Variants in HCRTR2 observed in about 807,000 individuals in gnomAD.
HCRTR2 encodes the protein hypocretin receptor 2.
Under a neutral mutation model 49.0 loss-of-function variants are expected in HCRTR2, and 22 were observed. The ratio of observed to expected loss-of-function variants is 0.45; its 90% CI spans 0.32 to 0.64. HCRTR2 has a LOEUF of 0.64. HCRTR2 is among the 30% of genes least tolerant of loss of function. The probability of loss-of-function intolerance (pLI) is 0.04; values close to 1 mark genes in which losing one functional copy is unlikely to be tolerated. For synonymous variants in HCRTR2, 236 were observed against 205.3 expected, an observed-to-expected ratio of 1.15 and a Z score of -1.28; for missense variants, 491 against 559.4, an observed-to-expected ratio of 0.88 and a Z score of 1.23.
At chr6:55,172,302 C>T (rs1764962262), upstream of HCRTR2, among the ~76,000 whole-genome samples, 1 of 152,110 alleles carries the variant, frequency 6.6e-6, no homozygotes, top group South Asian at 2.1e-4. Flanking sequence ...GGATTTTCTA[C>T]TCATCATCAC....
intron 1 of HCRTR2, among the ~76,000 whole-genome samples, chr6:55,112,133 G>A (rs1457791588): frequency 1.3e-5 from 2 of 151,850 alleles, no homozygotes; most frequent in Non-Finnish European, 2.9e-5. Context: ...CAGCATAGAA[G>A]GAACATATCT....
chr6:55,240,872 T>A (rs1766315433), intron 1 of HCRTR2: 2 of 266,930 alleles, frequency 7.5e-6, no homozygotes, highest in Admixed American at 4.9e-5. Flanking sequence ...TTTTTCTTTT[T>A]CATTTAGAAA....
intron 1 of HCRTR2, among the ~76,000 whole-genome samples, chr6:55,176,992 T>C (rs1765051093): frequency 1.3e-5 from 2 of 152,324 alleles, no homozygotes; most frequent in East Asian, 1.9e-4. Flanking sequence ...TTCTTTGTTG[T>C]TATTGCATTT....
upstream of HCRTR2, among the ~76,000 whole-genome samples, chr6:55,172,358 T>G (rs990276796): frequency 1.3e-5 from 2 of 152,152 alleles, no homozygotes; most frequent in Non-Finnish European, 2.9e-5. Context: ...CTTCCTAACG[T>G]TTTCCCTATG....
At chr6:55,278,727 A>AATT (rs201178077) in intron 5 of HCRTR2, among the ~76,000 whole-genome samples, 17,064 of 144,572 alleles carry the variant, frequency 0.12, 1,145 homozygotes, top group South Asian at 0.25. Flanking sequence ...GCTTCTTATT[A>AATT]ATTATTATTA....
chr6:55,227,195 A>G (rs1766025417), intron 1 of HCRTR2, among the ~76,000 whole-genome samples: 1 of 152,140 alleles, frequency 6.6e-6, no homozygotes, highest in African/African-American at 2.4e-5. Context: ...AGCCAAAATT[A>G]TGCATTATGT....
chr6:55,128,278 T>C (rs1764308880), intron 1 of HCRTR2, among the ~76,000 whole-genome samples: 1 of 152,202 alleles, frequency 6.6e-6, no homozygotes, highest in Non-Finnish European at 1.5e-5. Context: ...TCCATTGATC[T>C]ATGTGTCTGT....
intron 1 of HCRTR2, among the ~76,000 whole-genome samples, chr6:55,237,503 G>T (rs893425611): frequency 2.0e-5 from 3 of 152,098 alleles, no homozygotes; most frequent in African/African-American, 7.2e-5. Flanking sequence ...CTTATTTTTG[G>T]TTAGGTACTA....
At chr6:55,247,820 G>A (rs959399674) in intron 1 of HCRTR2, among the ~76,000 whole-genome samples, 15 of 152,070 alleles carry the variant, frequency 9.9e-5, no homozygotes, top group Non-Finnish European at 4.4e-5. Context: ...TGATTGCTGG[G>A]TGATGTTTAG....
At chr6:55,134,365 T>G (rs1164093734) in intron 1 of HCRTR2, among the ~76,000 whole-genome samples, 1 of 151,880 alleles carries the variant, frequency 6.6e-6, no homozygotes, top group Non-Finnish European at 1.5e-5. Flanking sequence ...GGCAAAAAAT[T>G]TATAATATGA....
At chr6:55,132,481 C>T (rs1212167962) in intron 1 of HCRTR2, among the ~76,000 whole-genome samples, 1 of 151,882 alleles carries the variant, frequency 6.6e-6, no homozygotes, top group East Asian at 1.9e-4. Flanking sequence ...GCATGCCAAT[C>T]CTGGAGTACG....
chr6:55,141,715 A>G (rs545861959), intron 1 of HCRTR2, among the ~76,000 whole-genome samples: 94 of 152,318 alleles, frequency 6.2e-4, no homozygotes, highest in African/African-American at 2.2e-3. Context: ...AGCCTAGAGA[A>G]CAAACAATAC....
At chr6:55,130,230 C>G (rs577340763) in intron 1 of HCRTR2, among the ~76,000 whole-genome samples, 1 of 152,012 alleles carries the variant, frequency 6.6e-6, no homozygotes, top group South Asian at 2.1e-4. Context: ...CTGATCTCTT[C>G]ACTTGTGAAT....
chr6:55,191,892 T>C (rs1428682706), intron 1 of HCRTR2, among the ~76,000 whole-genome samples: 1 of 152,154 alleles, frequency 6.6e-6, no homozygotes, highest in East Asian at 1.9e-4. Flanking sequence ...TTTTCTTCAA[T>C]ATATTGGAGT....
intron 1 of HCRTR2, among the ~76,000 whole-genome samples, chr6:55,237,386 G>C (rs866529691): frequency 6.6e-6 from 1 of 152,282 alleles, no homozygotes. Flanking sequence ...TTCTTTAGGA[G>C]AGCTTGTCTA....
intron 1 of HCRTR2, among the ~76,000 whole-genome samples, chr6:55,163,097 G>A (rs376678530): frequency 1.7e-4 from 26 of 152,048 alleles, no homozygotes; most frequent in African/African-American, 3.4e-4. Flanking sequence ...TTAGCCGGGC[G>A]TGGTGGCAGG....
intron 1 of HCRTR2, among the ~76,000 whole-genome samples, chr6:55,223,101 A>C (rs2127296669): frequency 6.6e-6 from 1 of 152,288 alleles, no homozygotes; most frequent in South Asian, 2.1e-4. Flanking sequence ...TATATAAACT[A>C]TCTTTTTTTG....
At chr6:55,221,788 G>A (rs1765902619) in intron 1 of HCRTR2, among the ~76,000 whole-genome samples, 1 of 150,320 alleles carries the variant, frequency 6.7e-6, no homozygotes, top group African/African-American at 2.4e-5. Flanking sequence ...ACTCCAGCCT[G>A]GGGGACAGAG....
At chr6:55,127,111 G>T (rs544999600) in intron 1 of HCRTR2, among the ~76,000 whole-genome samples, 31 of 152,146 alleles carry the variant, frequency 2.0e-4, no homozygotes, top group Non-Finnish European at 2.1e-4. Flanking sequence ...GGCGCCACTG[G>T]GGTATGGGAA....
Sources: allele counts gnomAD v4.1 joint callset (sites outside exome capture counted in the v4.1 genomes callset), GRCh38; gene constraint gnomAD v4.1.1; transcripts MANE v1.5; gene names NCBI Gene and HGNC (gene_info 2026-07-23, HGNC 2026-07-21).